Variants in NKAIN3 observed in about 807,000 individuals in gnomAD.
NKAIN3 encodes sodium/potassium transporting ATPase interacting 3, also known as sodium/potassium-transporting ATPase subunit beta-1-interacting protein 3.
A neutral mutation model predicts 30.2 loss-of-function variants in NKAIN3; 25 were observed. The observed-to-expected ratio is 0.83, with a 90% CI of 0.60 to 1.16. The LOEUF is 1.16. Among genes scored for constraint, NKAIN3 ranks in the 50% most tolerant of loss-of-function variants. The probability of loss-of-function intolerance (pLI) is 0.00; values close to 1 mark genes in which losing one functional copy is unlikely to be tolerated. For missense variants in NKAIN3, 225 were observed against 254.1 expected (o/e 0.89, Z 0.78); for synonymous variants, 91 against 89.6 (o/e 1.02, Z -0.09).
intron 4 of NKAIN3, among the ~76,000 whole-genome samples, chr8:62,887,209 T>C (rs568083506): frequency 1.3e-5 from 2 of 152,232 alleles, no homozygotes; most frequent in Non-Finnish European, 2.9e-5. Flanking sequence ...GTAATTCTTT[T>C]CTCCTCTGTA....
Position 62,753,640 on chromosome 8 carries a change from T to C in NKAIN3, c.471+6511T>C, listed in dbSNP as rs189243350. 2.0e-5 allele frequency among the ~76,000 whole-genome samples: 3 copies of C among 152,300 alleles called. No individual in the cohort carries two copies. In the East Asian group the frequency reaches 5.8e-4, roughly 29 times the overall value. On this transcript the variant is annotated intron_variant, in intron 4 of 6. Coordinates refer to ENST00000623646, the MANE Select transcript of NKAIN3 (RefSeq NM_001304533.3). Reference sequence around the variant, plus strand: ...TTAACTTTGAAAAAATTATTTTCACTAATTTAGCAATTTGTAAAGATAATG... The same window carrying C: ...TTAACTTTGAAAAAATTATTTTCACCAATTTAGCAATTTGTAAAGATAATG...
intron 1 of NKAIN3, among the ~76,000 whole-genome samples, chr8:62,539,519 T>C (rs758500002): frequency 6.6e-6 from 1 of 152,184 alleles, no homozygotes; most frequent in Non-Finnish European, 1.5e-5. Flanking sequence ...TCAGAGTTTC[T>C]TCTGATCAAT....
chr8:62,957,822 T>G (rs1309735028), intron 6 of NKAIN3, among the ~76,000 whole-genome samples: 1 of 152,262 alleles, frequency 6.6e-6, no homozygotes, highest in East Asian at 1.9e-4. Flanking sequence ...CCATGGAATG[T>G]ACAACACCAA....
intron 3 of NKAIN3, among the ~76,000 whole-genome samples, chr8:62,736,315 T>G (rs1265130556): frequency 6.6e-6 from 1 of 152,152 alleles, no homozygotes; most frequent in Non-Finnish European, 1.5e-5. Flanking sequence ...GCGGATTAAG[T>G]GTGCCTGAGG....
At position 62,462,267 on chromosome 8, in the gene NKAIN3, A is replaced by G. The variant is rs11989921; in HGVS notation, c.55-117272A>G. Among the ~76,000 whole-genome samples, 625 of 152,230 alleles carry G rather than the reference A, an allele frequency of 4.1e-3. 6 individuals are homozygous for G. Among genetic ancestry groups the G allele is most frequent in the African/African-American group, 0.015 (603 of 41,550 alleles). On this transcript the variant is annotated intron_variant, in intron 1 of 6. Transcript: ENST00000623646. ...TTAGGCATAAGACCACCAACTCAGA[A>G]TTGGAGGGAGAGCAGGAGAGGAAGA...
At chr8:62,663,847 G>A (rs1481499706) in intron 3 of NKAIN3, among the ~76,000 whole-genome samples, 1 of 152,138 alleles carries the variant, frequency 6.6e-6, no homozygotes, top group African/African-American at 2.4e-5. Context: ...ATGCCCAGAT[G>A]ATCCTCCATG....
intron 3 of NKAIN3, among the ~76,000 whole-genome samples, chr8:62,654,015 G>A (rs983326485): frequency 6.6e-6 from 1 of 152,090 alleles, no homozygotes; most frequent in Non-Finnish European, 1.5e-5. Context: ...ATGAAGGATA[G>A]TGACCTAAAC....
In NKAIN3 at chr8:62,970,671, G is replaced by A. The variant is rs1823814301; in HGVS notation, c.*5264G>A. 2.0e-5 allele frequency among the ~76,000 whole-genome samples: 3 copies of A among 152,118 alleles called. No individual in the cohort carries two copies. The highest frequency in any genetic ancestry group is 4.8e-5 in the African/African-American group (2 of 41,432). On this transcript the variant is annotated 3_prime_UTR_variant, in exon 7 of 7. Coordinates refer to ENST00000623646, the MANE Select transcript of NKAIN3 (RefSeq NM_001304533.3). Reference sequence around the variant, plus strand: ...TGAGGAAGAGAAAGAGAAAGAAAGGGAATGGACAAGGAGACAGGAAGGAAG... The same window carrying A: ...TGAGGAAGAGAAAGAGAAAGAAAGGAAATGGACAAGGAGACAGGAAGGAAG...
chr8:62,301,641 AAACTT>A (rs1186293217), intron 1 of NKAIN3, among the ~76,000 whole-genome samples: 1 of 152,126 alleles, frequency 6.6e-6, no homozygotes, highest in African/African-American at 2.4e-5. Context: ...GCTTTAGACT[AAACTT>A]AACAGTAGCA....
intron 1 of NKAIN3, among the ~76,000 whole-genome samples, chr8:62,465,812 C>A (rs549824729): frequency 1.3e-5 from 2 of 152,262 alleles, no homozygotes; most frequent in African/African-American, 4.8e-5. Context: ...CACTTGAGGT[C>A]AGGAGTTCGA....
intron 4 of NKAIN3, among the ~76,000 whole-genome samples, chr8:62,763,250 A>AAC: frequency 7.1e-6 from 1 of 141,058 alleles, no homozygotes; most frequent in Non-Finnish European, 1.5e-5. Flanking sequence ...AAAAAAAAAA[A>AAC]AAAAAAAAAA....
chr8:62,524,645 T>C (rs139098539), intron 1 of NKAIN3, among the ~76,000 whole-genome samples: 2 of 152,294 alleles, frequency 1.3e-5, no homozygotes, highest in African/African-American at 4.8e-5. Context: ...TTATTTGAAA[T>C]CTCTAGGCAC....
intron 1 of NKAIN3, among the ~76,000 whole-genome samples, chr8:62,385,103 T>C (rs1444828044): frequency 6.6e-6 from 1 of 152,076 alleles, no homozygotes; most frequent in Non-Finnish European, 1.5e-5. Flanking sequence ...ACAATGTAAA[T>C]TTAGAATCAG....
chr8:62,946,275 G>A (rs1281771285), intron 5 of NKAIN3, among the ~76,000 whole-genome samples: 1 of 152,160 alleles, frequency 6.6e-6, no homozygotes. Context: ...AACGGTTTAA[G>A]GCACTGTCAA....
chr8:62,632,002 T>C (rs962412091), intron 3 of NKAIN3, among the ~76,000 whole-genome samples: 3 of 152,190 alleles, frequency 2.0e-5, no homozygotes. Context: ...ACTATGTGCA[T>C]AGCCCAGTGA....
intron 4 of NKAIN3, among the ~76,000 whole-genome samples, chr8:62,818,470 A>G (rs905751347): frequency 2.6e-5 from 4 of 152,100 alleles, no homozygotes; most frequent in African/African-American, 9.7e-5. Context: ...GCATTAATTA[A>G]ATTTTATTTT....
intron 3 of NKAIN3, among the ~76,000 whole-genome samples, chr8:62,701,269 G>C (rs1563522407): frequency 6.6e-6 from 1 of 152,150 alleles, no homozygotes; most frequent in Non-Finnish European, 1.5e-5. Context: ...TCTCAGTTTG[G>C]TGTTGCATCT....
intron 5 of NKAIN3, among the ~76,000 whole-genome samples, chr8:62,951,470 G>C (rs138398218): frequency 2.0e-5 from 3 of 151,854 alleles, no homozygotes; most frequent in African/African-American, 7.3e-5. Context: ...GCTTTGTTTT[G>C]CGGAAAGGAT....
At chr8:62,611,140 T>C (rs1811277372) in intron 3 of NKAIN3, among the ~76,000 whole-genome samples, 1 of 152,144 alleles carries the variant, frequency 6.6e-6, no homozygotes, top group Non-Finnish European at 1.5e-5. Context: ...CAGTTATATA[T>C]GTTCACCTTG....
Sources: allele counts gnomAD v4.1 joint callset (sites outside exome capture counted in the v4.1 genomes callset), GRCh38; gene constraint gnomAD v4.1.1; transcripts MANE v1.5; gene names NCBI Gene and HGNC (gene_info 2026-07-23, HGNC 2026-07-21).